The following EPHA5 variants were observed in gnomAD, a reference collection of about 807,000 sequenced individuals.
The protein encoded by EPHA5 is EPH receptor A5.
Under a neutral mutation model 105.0 loss-of-function variants are expected in EPHA5, and 60 were observed. The ratio of observed to expected loss-of-function variants is 0.57; its 90% CI spans 0.46 to 0.71. The LOEUF (loss-of-function observed/expected upper bound fraction) is 0.71, where lower values mean the gene tolerates loss of function less well. Ranked by LOEUF, EPHA5 falls within the 30% of genes least tolerant of loss-of-function variation. EPHA5 has a pLI of 0.00. For missense variants in EPHA5, 1,218 were observed against 1,274.7 expected (o/e 0.96, Z 0.68); for synonymous variants, 513 against 449.1 (o/e 1.14, Z -1.80).
chr4:65,397,060 T>C (rs1242493387), intron 8 of EPHA5, among the ~76,000 whole-genome samples: 2 of 152,196 alleles, frequency 1.3e-5, no homozygotes, highest in East Asian at 1.9e-4. Context: ...GGAAGGACTG[T>C]CTGGACAGCA....
chr4:65,369,675 TAC>T (rs1290941365), intron 8 of EPHA5, among the ~76,000 whole-genome samples: 1 of 152,010 alleles, frequency 6.6e-6, no homozygotes, highest in African/African-American at 2.4e-5. Flanking sequence ...TTGGAAAAAA[TAC>T]AGTTATCTGG....
At chr4:65,448,295 A>G (rs1726755611) in intron 5 of EPHA5, among the ~76,000 whole-genome samples, 1 of 151,916 alleles carries the variant, frequency 6.6e-6, no homozygotes, top group African/African-American at 2.4e-5. Flanking sequence ...TCACAGACAC[A>G]TTGTAATTTT....
intron 2 of EPHA5, among the ~76,000 whole-genome samples, chr4:65,622,924 A>G (rs539037399): frequency 6.6e-6 from 1 of 152,218 alleles, no homozygotes; most frequent in East Asian, 1.9e-4. Context: ...CGTCATAAAG[A>G]GACTCAGCAA....
At chr4:65,426,165 C>T (rs916692041) in intron 5 of EPHA5, among the ~76,000 whole-genome samples, 10 of 152,092 alleles carry the variant, frequency 6.6e-5, no homozygotes, top group African/African-American at 1.9e-4. Flanking sequence ...ATGCTCTATC[C>T]TCTGCCTAAA....
In EPHA5 at chr4:65,332,039, C is replaced by T. The variant is rs770802873; in HGVS notation, c.2879G>A (p.Arg960Gln). The part of the protein sequence containing the change: ...GEWLEAIKMG[R>Q]YTEIFMENGY... ...ATTTTCCATGAAAATCTCTGTATAC[C>T]GGCCCATCTTGATTGCCTCTAGCCA... Residue 960 changes from arginine to glutamine, a missense_variant, in exon 16 of 17, where the codon CGG (arginine) becomes CAG (glutamine). Coordinates refer to ENST00000613740, the MANE Select transcript of EPHA5 (RefSeq NM_001281766.3). 4.3e-5 allele frequency: 70 copies of T among 1,611,646 alleles called. 1 individual carries two copies. The South Asian group carries it at 4.9e-4, about 11-fold the overall frequency.
intron 3 of EPHA5, among the ~76,000 whole-genome samples, chr4:65,548,812 C>G (rs750276459): frequency 5.3e-5 from 8 of 152,084 alleles, no homozygotes; most frequent in Non-Finnish European, 1.5e-5. Context: ...GTTCCCTAAA[C>G]TCAAGGTCTC....
intron 4 of EPHA5, among the ~76,000 whole-genome samples, chr4:65,493,237 C>T (rs924419976): frequency 6.6e-5 from 10 of 152,060 alleles, no homozygotes; most frequent in African/African-American, 2.2e-4. Flanking sequence ...AATTCCTCTG[C>T]CCCAATCATA....
intron 16 of EPHA5, among the ~76,000 whole-genome samples, chr4:65,324,690 A>G (rs1719906420): frequency 6.6e-6 from 1 of 151,096 alleles, no homozygotes; most frequent in Non-Finnish European, 1.5e-5. Context: ...TTTATATAAC[A>G]GATATCTTTA....
intron 11 of EPHA5, among the ~76,000 whole-genome samples, chr4:65,364,224 T>C (rs1007999114): frequency 6.6e-6 from 1 of 151,666 alleles, no homozygotes; most frequent in Non-Finnish European, 1.5e-5. Flanking sequence ...TGTATATCTC[T>C]TTAAGATATG....
chr4:65,620,221 G>A (rs1273113719), intron 2 of EPHA5, among the ~76,000 whole-genome samples: 1 of 151,324 alleles, frequency 6.6e-6, no homozygotes, highest in Non-Finnish European at 1.5e-5. Context: ...TTTAACACAA[G>A]TTATCACCAA....
At chr4:65,363,981 T>G (rs1234344373) in intron 11 of EPHA5, among the ~76,000 whole-genome samples, 1 of 151,608 alleles carries the variant, frequency 6.6e-6, no homozygotes, top group Non-Finnish European at 1.5e-5. Context: ...TTCCTCTGCC[T>G]GCCTCTTGAT....
chr4:65,519,834 C>T (rs1734499553), intron 3 of EPHA5, among the ~76,000 whole-genome samples: 1 of 151,982 alleles, frequency 6.6e-6, no homozygotes, highest in Admixed American at 6.6e-5. Flanking sequence ...TGTGAAGGAC[C>T]TCTTCAAGGA....
At chr4:65,594,683 T>C (rs565293395) in intron 3 of EPHA5, among the ~76,000 whole-genome samples, 55 of 152,300 alleles carry the variant, frequency 3.6e-4, no homozygotes, top group Non-Finnish European at 7.5e-4. Context: ...TCCCCGTATT[T>C]GTCCATCAAC....
intron 3 of EPHA5, among the ~76,000 whole-genome samples, chr4:65,546,135 T>C (rs1737348625): frequency 1.3e-5 from 2 of 151,976 alleles, no homozygotes; most frequent in South Asian, 2.1e-4. Context: ...CATACTTTGG[T>C]GAACATTTTA....
At chr4:65,615,244 G>GATTAA (rs1233086764) in intron 2 of EPHA5, among the ~76,000 whole-genome samples, 2 of 150,450 alleles carry the variant, frequency 1.3e-5, no homozygotes, top group Non-Finnish European at 3.0e-5. Flanking sequence ...TACAATAGTT[G>GATTAA]ATTAAATAGC....
intron 3 of EPHA5, among the ~76,000 whole-genome samples, chr4:65,510,196 G>A (rs910137919): frequency 1.0e-5 from 1 of 99,760 alleles, no homozygotes; most frequent in Non-Finnish European, 2.0e-5. Flanking sequence ...CACTACGTCT[G>A]GCTAATTTTG....
intron 5 of EPHA5, among the ~76,000 whole-genome samples, chr4:65,481,306 T>C (rs1002296559): frequency 6.6e-6 from 1 of 152,210 alleles, no homozygotes; most frequent in Admixed American, 6.5e-5. Flanking sequence ...CATGAATTCC[T>C]GAATTACAAA....
chr4:65,663,354 T>C (rs992699977), intron 1 of EPHA5, among the ~76,000 whole-genome samples: 1 of 150,466 alleles, frequency 6.6e-6, no homozygotes, highest in Non-Finnish European at 1.5e-5. Context: ...AACCACAGAG[T>C]TTTTAAGAAC....
intron 3 of EPHA5, among the ~76,000 whole-genome samples, chr4:65,563,729 CA>C (rs1739255847): frequency 6.6e-6 from 1 of 151,898 alleles, no homozygotes; most frequent in Non-Finnish European, 1.5e-5. Flanking sequence ...TGGAAATTAG[CA>C]CATGAAAACA....
Sources: allele counts gnomAD v4.1 joint callset (sites outside exome capture counted in the v4.1 genomes callset), GRCh38; gene constraint gnomAD v4.1.1; transcripts MANE v1.5; gene names NCBI Gene and HGNC (gene_info 2026-07-23, HGNC 2026-07-21).